SV2C: variants seen among roughly 807,000 people sequenced by gnomAD.
SV2C encodes the protein solute carrier family 22 member B3.
A neutral mutation model predicts 79.7 loss-of-function variants in SV2C; 49 were observed. The observed-to-expected ratio is 0.61, with a 90% confidence interval of 0.49 to 0.78. SV2C has a LOEUF of 0.78. Among genes scored for constraint, SV2C ranks in the 30% least tolerant of loss-of-function variants. The pLI is 0.00. For synonymous variants in SV2C, 334 were observed against 333.2 expected, an observed-to-expected ratio of 1.00 and a Z score of -0.03; for missense variants, 833 against 912.9, an observed-to-expected ratio of 0.91 and a Z score of 1.13.
chr5:76,237,943 G>A (rs1561278122), intron 4 of SV2C, among the ~76,000 whole-genome samples: 1 of 150,430 alleles, frequency 6.6e-6, no homozygotes, highest in Non-Finnish European at 1.5e-5. Flanking sequence ...TTAATTTGAA[G>A]GCTTATGGCC....
At chr5:76,316,432 C>T (rs1748621083) in intron 12 of SV2C, among the ~76,000 whole-genome samples, 1 of 152,166 alleles carries the variant, frequency 6.6e-6, no homozygotes, top group Non-Finnish European at 1.5e-5. Flanking sequence ...CCCTAGGCAT[C>T]AGTATTGAAC....
chr5:76,247,667 A>G (rs1002474884), intron 4 of SV2C, among the ~76,000 whole-genome samples: 1 of 152,218 alleles, frequency 6.6e-6, no homozygotes, highest in Non-Finnish European at 1.5e-5. Flanking sequence ...GAACTAGGGT[A>G]ATTCTAACAA....
intron 1 of SV2C, among the ~76,000 whole-genome samples, chr5:76,106,117 C>T (rs1211460687): frequency 6.6e-6 from 1 of 152,172 alleles, no homozygotes; most frequent in Non-Finnish European, 1.5e-5. Flanking sequence ...TTCTCTGCAC[C>T]TGCCCCCACC....
rs192722397 is a variant in SV2C at position 76,288,146 on chromosome 5, G to A, written c.1137+2276G>A. ...TCTACAGTAGGTTGGAGGGACATAT[G>A]GTAAGACATAAGTGGGAACCTAAAT... is the stretch of plus-strand genomic sequence containing the variant. On this transcript the variant is annotated intron_variant, in intron 6 of 12. Coordinates refer to ENST00000502798, the MANE Select transcript of SV2C (RefSeq NM_014979.4). 2.0e-4 allele frequency among the ~76,000 whole-genome samples: 30 copies of A among 151,450 alleles called. 1 individual carries two copies. In the East Asian group the frequency reaches 5.4e-3, roughly 27 times the overall value.
the SV2C span, among the ~76,000 whole-genome samples, chr5:75,871,036 G>A: frequency 7.2e-5 from 11 of 152,136 alleles, no homozygotes; most frequent in Non-Finnish European, 1.3e-4. Flanking sequence ...ATAATACGAG[G>A]ACAATATGCC....
the SV2C span, among the ~76,000 whole-genome samples, chr5:75,971,859 C>G: frequency 0.02 from 3,106 of 152,084 alleles, 100 homozygotes; most frequent in African/African-American, 0.069. Flanking sequence ...AAAGAGCCCA[C>G]ATTGCCAAGT....
the SV2C span, among the ~76,000 whole-genome samples, chr5:75,909,814 G>A: frequency 2.8e-4 from 43 of 151,968 alleles, no homozygotes; most frequent in African/African-American, 1.0e-3. Context: ...TGGTAAAATT[G>A]TACCTATTTG....
At chr5:76,122,161 G>T (rs1030406802) in intron 1 of SV2C, among the ~76,000 whole-genome samples, 2 of 150,478 alleles carry the variant, frequency 1.3e-5, no homozygotes, top group Non-Finnish European at 2.9e-5. Flanking sequence ...TCATAATTTG[G>T]CTCTCTGTTT....
chr5:75,972,915 T>G, the SV2C span, among the ~76,000 whole-genome samples: 1 of 151,982 alleles, frequency 6.6e-6, no homozygotes, highest in African/African-American at 2.4e-5. Flanking sequence ...TAGCAAAGAC[T>G]TGGAACCAAC....
intron 6 of SV2C, among the ~76,000 whole-genome samples, chr5:76,290,848 G>A (rs1397651745): frequency 2.0e-5 from 3 of 152,208 alleles, no homozygotes; most frequent in Non-Finnish European, 2.9e-5. Flanking sequence ...AAAAAAATGT[G>A]TAGACTCACT....
Position 76,289,080 on chromosome 5 carries a change from T to TCTC in SV2C, c.1138-2138_1138-2136dup. The stretch of plus-strand genomic sequence containing the variant: ...TTATTTGTAGATAATTAACAACAGG[T>TCTC]CTCCTTATGTTGTCCAGGCTGGTCT... On this transcript the variant is annotated intron_variant, in intron 6 of 12. Transcript: ENST00000502798. 2.6e-5 allele frequency among the ~76,000 whole-genome samples: 4 copies of TCTC among 152,106 alleles called. No individual in the cohort carries two copies. The South Asian group carries it at 8.3e-4, about 32-fold the overall frequency.
the SV2C span, among the ~76,000 whole-genome samples, chr5:75,888,144 C>T: frequency 6.6e-6 from 1 of 151,988 alleles, no homozygotes; most frequent in Non-Finnish European, 1.5e-5. Flanking sequence ...CTGTTCATCT[C>T]AGTCCATTGT....
At chr5:76,114,169 G>A (rs1305423128) in intron 1 of SV2C, among the ~76,000 whole-genome samples, 1 of 152,156 alleles carries the variant, frequency 6.6e-6, no homozygotes, top group Admixed American at 6.5e-5. Flanking sequence ...CACCGGTGGA[G>A]ATGTTCAGTA....
At chr5:76,053,891 G>A in the SV2C span, among the ~76,000 whole-genome samples, 60 of 152,118 alleles carry the variant, frequency 3.9e-4, no homozygotes, top group Non-Finnish European at 6.5e-4. Flanking sequence ...AAGATCAAAT[G>A]TAATATTATA....
At chr5:75,960,529 C>T in the SV2C span, among the ~76,000 whole-genome samples, 1 of 152,052 alleles carries the variant, frequency 6.6e-6, no homozygotes, top group East Asian at 1.9e-4. Context: ...TATACAGTAA[C>T]CTAATGTACA....
At chr5:76,343,770 T>A (rs1166526624) in intron 12 of SV2C, among the ~76,000 whole-genome samples, 1 of 152,168 alleles carries the variant, frequency 6.6e-6, no homozygotes, top group Non-Finnish European at 1.5e-5. Context: ...ATATAGGACA[T>A]CATGGAAAAA....
intron 1 of SV2C, among the ~76,000 whole-genome samples, chr5:76,122,413 T>C (rs1327950076): frequency 2.0e-5 from 3 of 151,852 alleles, no homozygotes; most frequent in African/African-American, 4.8e-5. Context: ...CTATGTTGAA[T>C]AGGAGTGGTG....
chr5:75,862,461 T>C, the SV2C span, among the ~76,000 whole-genome samples: 1 of 152,118 alleles, frequency 6.6e-6, no homozygotes, highest in Non-Finnish European at 1.5e-5. Flanking sequence ...TCAGAAAAAA[T>C]ACATCTAATT....
chr5:76,085,741 G>A (rs1747167390), intron 1 of SV2C, among the ~76,000 whole-genome samples: 1 of 151,366 alleles, frequency 6.6e-6, no homozygotes, highest in African/African-American at 2.4e-5. Flanking sequence ...GGGTTGTTTT[G>A]AAGACAAAAG....
Sources: gnomAD v4.1 joint callset for allele counts (sites outside exome capture counted in the v4.1 genomes callset) on GRCh38, gnomAD v4.1.1 for gene constraint, MANE v1.5 for transcripts, NCBI Gene and HGNC (gene_info 2026-07-23, HGNC 2026-07-21) for gene names.